UGT2B28: variants seen among roughly 807,000 people sequenced by gnomAD.
UGT2B28 encodes UDP glucuronosyltransferase family 2 member B28, also known as UDP-glucuronosyltransferase 2B28.
A neutral mutation model predicts 43.6 loss-of-function variants in UGT2B28; 45 were observed. The observed-to-expected ratio is 1.03, with a 90% CI of 0.81 to 1.32. UGT2B28 has a LOEUF of 1.32. UGT2B28 is among the 40% of genes most tolerant of loss of function. The pLI is 0.00. For missense variants in UGT2B28, 649 were observed against 625.5 expected (o/e 1.04, Z -0.40); for synonymous variants, 204 against 208.1 (o/e 0.98, Z 0.17).
Position 69,281,168 on chromosome 4 carries a change from G to A in UGT2B28, c.668G>A (p.Trp223Ter). ...NMIYVLYFDF[W>*]FQMCDMKKWD... is the part of the protein sequence containing the mutation. ...ATCTATGTGCTTTATTTTGACTTTT[G>A]GTTCCAAATGTGTGATATGAAGAAG... The change falls in exon 1 of 6, where the codon TGG (tryptophan) becomes TAG (stop). Residue 223 changes from tryptophan to a stop codon, truncating the protein, a stop_gained. Coordinates refer to ENST00000335568, the MANE Select transcript of UGT2B28 (RefSeq NM_053039.2). LOFTEE classifies it high-confidence loss of function. 4 of 1,546,960 alleles carry A rather than the reference G, an allele frequency of 2.6e-6. 1 individual carries two copies. The Admixed American group carries it at 7.4e-5, about 29-fold the overall frequency.
At position 69,283,530 on chromosome 4, in the gene UGT2B28, A is replaced by G. The variant is rs192445076; in HGVS notation, c.870+868A>G. Among the ~76,000 whole-genome samples, 368 of 140,690 alleles carry G rather than the reference A, an allele frequency of 2.6e-3. 43 individuals are homozygous for G. Among genetic ancestry groups the G allele is most frequent in the Non-Finnish European group, 4.2e-3 (275 of 65,648 alleles). The allele number at this position is 140,690 out of a possible 152,430, so 92.3% of individuals were successfully genotyped here. A position where few individuals can be genotyped will look rare whatever the true frequency, so the allele number is the denominator to read the frequency against. On this transcript the variant is annotated intron_variant, in intron 2 of 5. Coordinates refer to ENST00000335568, the MANE Select transcript of UGT2B28 (RefSeq NM_053039.2). Reference sequence around the variant, plus strand: ...CATGGATTCAGGTAGAAGATGATGGAAAAGTGGACTAGAAAGTTGATAGAA... The same window carrying G: ...CATGGATTCAGGTAGAAGATGATGGGAAAGTGGACTAGAAAGTTGATAGAA...
Position 69,281,086 on chromosome 4 carries a change from G to C in UGT2B28, c.586G>C (p.Val196Leu), listed in dbSNP as rs148987832. The C allele has an allele frequency of 0.18, 277,184 of 1,558,354 alleles. 55,820 individuals are homozygous for C. Among genetic ancestry groups the C allele is most frequent in the Middle Eastern group, 0.19 (1,127 of 5,832 alleles). Residue 196 changes from valine to leucine, a missense_variant, in exon 1 of 6, where the codon GTT becomes CTT. By Grantham distance (32) the Val-to-Leu change is conservative. Coordinates refer to ENST00000335568, the MANE Select transcript of UGT2B28 (RefSeq NM_053039.2). ...GLIFPPSYIP[V>L]VMSKLSDQMT... Reference sequence around the variant, plus strand: ...GATTTTCCCTCCTTCCTACATACCTGTTGTTATGTCAAAATTAAGTGATCA... The same window carrying C: ...GATTTTCCCTCCTTCCTACATACCTCTTGTTATGTCAAAATTAAGTGATCA...
intron 1 of UGT2B28, 79 bp from the exon 2 acceptor site, chr4:69,282,435 T>A (rs777704053): frequency 4.2e-6 from 6 of 1,425,294 alleles, no homozygotes; most frequent in Non-Finnish European, 5.5e-6. Flanking sequence ...TTTGCCTACA[T>A]AATTCTAACC....
intron 1 of UGT2B28, 99 bp downstream of exon 1, chr4:69,281,320 G>C (rs1292391142): frequency 1.5e-6 from 2 of 1,291,616 alleles, no homozygotes; most frequent in East Asian, 2.5e-5. Context: ...TGGAGTTTTT[G>C]GTAAGTGAAT....
At position 69,289,848 on chromosome 4, in the gene UGT2B28, A is replaced by G. The variant is rs1453842528; in HGVS notation, c.1090+96A>G. 3.1e-6 allele frequency: 4 copies of G among 1,270,764 alleles called. 1 individual carries two copies. The highest frequency in any genetic ancestry group is 4.2e-6 in the Non-Finnish European group (4 of 945,294). 78.7% of individuals were successfully genotyped at this position (1,270,764 alleles called of 1,614,324 possible). ...AACATGCTTATTGAATATTTATTAT[A>G]GGAAAACAAAAAGAACTTCTTTGTA... On this transcript the variant is annotated intron_variant, in intron 4 of 5. Coordinates refer to ENST00000335568, the MANE Select transcript of UGT2B28 (RefSeq NM_053039.2).
chr4:69,284,086 T>C lies in UGT2B28; in HGVS notation c.870+1424T>C, dbSNP rs1723699858. Among the ~76,000 whole-genome samples the C allele has an allele frequency of 2.9e-5, 4 of 140,128 alleles. 1 individual carries two copies. The highest frequency in any genetic ancestry group is 7.1e-5 in the Admixed American group (1 of 13,992). The allele number at this position is 140,128 out of a possible 152,430, so 91.9% of individuals were successfully genotyped here. On this transcript the variant is annotated intron_variant, in intron 2 of 5. Transcript: ENST00000335568. ...ATTTTAGATCATAAACATACCCTAT[T>C]AGAGCAGACGATGTCTGCCATATGA... is the stretch of plus-strand genomic sequence containing the variant.
Position 69,290,908 on chromosome 4 carries a change from T to C in UGT2B28, c.1310+97T>C. 8.9e-6 allele frequency: 12 copies of C among 1,344,812 alleles called. 1 individual carries two copies. The highest frequency in any genetic ancestry group is 1.2e-5 in the Non-Finnish European group (12 of 1,017,698). The allele number at this position is 1,344,812 out of a possible 1,614,324, so 83.3% of individuals were successfully genotyped here. A position where few individuals can be genotyped will look rare whatever the true frequency, so the allele number is the denominator to read the frequency against. On this transcript the variant is annotated intron_variant, in intron 5 of 5. Transcript: ENST00000335568. ...TCATCCTTTTTATAAGAGAGTAATC[T>C]TGAAAGAATTTAAATGATTTAACCA...
Position 69,280,919 on chromosome 4 carries a change from T to G in UGT2B28, c.419T>G (p.Leu140Arg), listed in dbSNP as rs1459862638. The G allele has an allele frequency of 1.9e-6, 3 of 1,559,608 alleles. No individual in the cohort carries two copies. The highest frequency in any genetic ancestry group is 2.6e-6 in the Non-Finnish European group (3 of 1,155,572). The change falls in exon 1 of 6, where the codon CTA becomes CGA. Residue 140 changes from leucine to arginine, a missense_variant. By Grantham distance (102) the Leu-to-Arg change is moderately radical. Coordinates refer to ENST00000335568, the MANE Select transcript of UGT2B28 (RefSeq NM_053039.2). ...TCAAATAAGAAAGTTATGAAAAAACTACAAGAGTCAAGATTTGACATCATT... is the reference window on the plus strand; with the variant it reads ...TCAAATAAGAAAGTTATGAAAAAACGACAAGAGTCAAGATTTGACATCATT... ...VVSNKKVMKK[L>R]QESRFDIIFA...
In UGT2B28 at chr4:69,290,776, G is replaced by T. The variant is rs780062199; in HGVS notation, c.1275G>T (p.Leu425=). The change falls in exon 5 of 6, where the codon CTG becomes CTT. Residue 425 remains leucine (L), a synonymous_variant. Transcript: ENST00000335568. ...TCCACACAATGTCGAGTACAGACCT[G>T]CTGAATGCACTGAAGACAGTAATTA... ...LDFHTMSSTD[L]LNALKTVIND... is the part of the protein sequence containing the mutation. The T allele has an allele frequency of 1.0e-5, 16 of 1,559,556 alleles. 1 individual carries two copies. The Admixed American group carries it at 1.8e-4, about 17-fold the overall frequency.
In UGT2B28 at chr4:69,284,199, G is replaced by T. The variant is rs570536582; in HGVS notation, c.870+1537G>T. Among the ~76,000 whole-genome samples the T allele has an allele frequency of 5.7e-3, 798 of 139,946 alleles. 175 individuals carry two copies. Among genetic ancestry groups the T allele is most frequent in the African/African-American group, 0.021 (764 of 35,836 alleles). 91.8% of individuals were successfully genotyped at this position (139,946 alleles called of 152,430 possible). The stretch of plus-strand genomic sequence containing the variant: ...AGCACAGAGATAGTGAACAATGCAT[G>T]TATAATAAAGAACAAATAATTTCTA... On this transcript the variant is annotated intron_variant, in intron 2 of 5. Transcript: ENST00000335568.
rs1723783314 is a variant in UGT2B28 at position 69,286,653 on chromosome 4, C to T, written c.871-99C>T. ...AATATTATTTACTCCAATAATTCCT[C>T]AAAATACTTGATTTTCTCTCTTTAA... On this transcript the variant is annotated intron_variant, in intron 2 of 5. Transcript: ENST00000335568. 2.8e-6 allele frequency: 4 copies of T among 1,420,988 alleles called. No individual in the cohort carries two copies. In the South Asian group the frequency reaches 5.7e-5, roughly 20 times the overall value. The allele number at this position is 1,420,988 out of a possible 1,614,324, so 88.0% of individuals were successfully genotyped here.
At chr4:69,283,286 G>T (rs1163241367) in intron 2 of UGT2B28, among the ~76,000 whole-genome samples, 2 of 139,250 alleles carry the variant, frequency 1.4e-5, no homozygotes, top group Admixed American at 1.4e-4. Context: ...TGTTTTTAGG[G>T]AATGATTAAG....
In UGT2B28 at chr4:69,291,698, T is replaced by C. The variant is rs1027973001; in HGVS notation, c.1310+887T>C. Among the ~76,000 whole-genome samples the C allele has an allele frequency of 2.0e-4, 27 of 133,834 alleles. 3 individuals are homozygous for C. Among genetic ancestry groups the C allele is most frequent in the Non-Finnish European group, 4.1e-4 (26 of 63,334 alleles). 87.8% of individuals were successfully genotyped at this position (133,834 alleles called of 152,430 possible). ...TGGCTACTAAGAATATTGCTATACA[T>C]GTCTTTGCATAAACATGTTTTACTT... On this transcript the variant is annotated intron_variant, in intron 5 of 5. Transcript: ENST00000335568.
In UGT2B28 at chr4:69,294,930, T is replaced by G. The variant is rs1466263992; in HGVS notation, c.*121T>G. 3 of 1,290,046 alleles carry G rather than the reference T, an allele frequency of 2.3e-6. No individual in the cohort carries two copies. The highest frequency in any genetic ancestry group is 3.0e-6 in the Non-Finnish European group (3 of 997,982). The allele number at this position is 1,290,046 out of a possible 1,614,324, so 79.9% of individuals were successfully genotyped here. On this transcript the variant is annotated 3_prime_UTR_variant, in exon 6 of 6. Coordinates refer to ENST00000335568, the MANE Select transcript of UGT2B28 (RefSeq NM_053039.2). ...TTCCTGTGACAAAAAAAAAAACTTT[T>G]CAAAATCTACCTTGTCAAGTAAAAA...
rs188526187 is a variant in UGT2B28 at position 69,280,942 on chromosome 4, A to G, written c.442A>G (p.Ile148Val). ...KKLQESRFDIIFADAFFPCGE... is the reference protein window; with the variant it reads ...KKLQESRFDIVFADAFFPCGE... ...ACTACAAGAGTCAAGATTTGACATC[A>G]TTTTTGCAGATGCTTTTTTTCCTTG... is the stretch of plus-strand genomic sequence containing the variant. Residue 148 changes from isoleucine (I) to valine (V), a missense_variant, in exon 1 of 6, where the codon ATT becomes GTT. Physicochemically the swap from Ile to Val is conservative, Grantham distance 29 (BLOSUM62 3). Transcript: ENST00000335568. 1.7e-5 allele frequency: 27 copies of G among 1,560,132 alleles called. 2 individuals are homozygous for G. Among genetic ancestry groups the G allele is most frequent in the South Asian group, 8.3e-5 (7 of 84,334 alleles).
rs572631019 is a variant in UGT2B28 at position 69,288,632 on chromosome 4, T to G, written c.1003-1033T>G. ...TTAAGTTCAGGAGTACATGTGCAGG[T>G]TTTTTACATAGGTAAACTTGTGTCA... On this transcript the variant is annotated intron_variant, in intron 3 of 5. Coordinates refer to ENST00000335568, the MANE Select transcript of UGT2B28 (RefSeq NM_053039.2). 1.0e-3 allele frequency among the ~76,000 whole-genome samples: 144 copies of G among 140,100 alleles called. 32 individuals are homozygous for G. Among genetic ancestry groups the G allele is most frequent in the African/African-American group, 3.9e-3 (141 of 35,970 alleles). The allele number at this position is 140,100 out of a possible 152,430, so 91.9% of individuals were successfully genotyped here.
In UGT2B28 at chr4:69,286,049, T is replaced by C. The variant is rs1339617860; in HGVS notation, c.871-703T>C. On this transcript the variant is annotated intron_variant, in intron 2 of 5. Transcript: ENST00000335568. Reference sequence around the variant, plus strand: ...CAACTAACTATAAACTCTACAATTCTGTATGATAAATGAGACTCTCAAGAC... The same window carrying C: ...CAACTAACTATAAACTCTACAATTCCGTATGATAAATGAGACTCTCAAGAC... Among the ~76,000 whole-genome samples, 3 of 141,448 alleles carry C rather than the reference T, an allele frequency of 2.1e-5. 1 individual carries two copies. The highest frequency in any genetic ancestry group is 4.0e-4 in the East Asian group (2 of 4,958). The allele number at this position is 141,448 out of a possible 152,430, so 92.8% of individuals were successfully genotyped here.
In UGT2B28 at chr4:69,282,421, C is replaced by T. The variant is rs543291524; in HGVS notation, c.722-93C>T. On this transcript the variant is annotated intron_variant, in intron 1 of 5. Transcript: ENST00000335568. ...TTTCAAAGCACACAAACTTTACCTA[C>T]ATCTTTGCCTACATAATTCTAACCC... 5 of 1,325,040 alleles carry T rather than the reference C, an allele frequency of 3.8e-6. No individual in the cohort carries two copies. In the East Asian group the frequency reaches 1.1e-4, roughly 28 times the overall value. 82.1% of individuals were successfully genotyped at this position (1,325,040 alleles called of 1,614,324 possible).
At chr4:69,281,908 C>T (rs1212560722) in intron 1 of UGT2B28, among the ~76,000 whole-genome samples, 5 of 140,218 alleles carry the variant, frequency 3.6e-5, no homozygotes, top group Non-Finnish European at 7.6e-5. Flanking sequence ...AGGTTGAGTA[C>T]AGATCTCTAT....
Sources: allele counts gnomAD v4.1 joint callset (sites outside exome capture counted in the v4.1 genomes callset), GRCh38; gene constraint gnomAD v4.1.1; transcripts MANE v1.5; gene names NCBI Gene and HGNC (gene_info 2026-07-23, HGNC 2026-07-21).